LAMB3: variants seen among roughly 807,000 people sequenced by gnomAD.
The protein encoded by LAMB3 is laminin subunit beta-3.
LAMB3 carries 104 observed loss-of-function variants against 140.3 expected under a neutral mutation model. The ratio of observed to expected loss-of-function variants is 0.74; its 90% confidence interval spans 0.63 to 0.87. The LOEUF (loss-of-function observed/expected upper bound fraction) is 0.87. Among genes scored for constraint, LAMB3 ranks in the 40% least tolerant of loss-of-function variants. The pLI, the probability that LAMB3 is intolerant of heterozygous loss-of-function variation, is 0.00. For synonymous variants in LAMB3, 592 were observed against 602.9 expected, an observed-to-expected ratio of 0.98 and a Z score of 0.26; for missense variants, 1,531 against 1,575.2, an observed-to-expected ratio of 0.97 and a Z score of 0.47.
intron 11 of LAMB3, 45 bp downstream of exon 11, chr1:209,627,990 C>T: frequency 2.6e-6 from 4 of 1,560,706 alleles, no homozygotes; most frequent in Non-Finnish European, 3.5e-6. Context: ...CTGGTGGCCC[C>T]ATGCAGCCCA....
At chr1:209,648,222 A>G (rs2076534159) in intron 3 of LAMB3, among the ~76,000 whole-genome samples, 1 of 152,190 alleles carries the variant, frequency 6.6e-6, no homozygotes, top group Non-Finnish European at 1.5e-5. Context: ...GCTCATTGCC[A>G]AAGAATGTTA....
intron 5 of LAMB3, among the ~76,000 whole-genome samples, chr1:209,635,655 G>A (rs1275336626): frequency 2.0e-5 from 3 of 151,792 alleles, no homozygotes; most frequent in Non-Finnish European, 2.9e-5. Flanking sequence ...CACCCGCCTC[G>A]GCCTCCCAAC....
chr1:209,639,667 G>A (rs985289977), intron 3 of LAMB3, among the ~76,000 whole-genome samples: 16 of 150,754 alleles, frequency 1.1e-4, no homozygotes, highest in Non-Finnish European at 1.9e-4. Context: ...ATGCGCACAC[G>A]CACACACACA....
rs530038655 is a variant in LAMB3 at position 209,643,193 on chromosome 1, G to A, written c.184-4545C>T. ...AGCTGCTAATTTATCCTTCCCCTCT[G>A]GGTCTCAGTTTCCCTTTCTGCTTTA... is the stretch of plus-strand genomic sequence containing the variant. On this transcript the variant is annotated intron_variant, in intron 3 of 22. Transcript: ENST00000356082. 2.6e-5 allele frequency among the ~76,000 whole-genome samples: 4 copies of A among 152,282 alleles called. No individual in the cohort carries two copies. The East Asian group carries it at 7.7e-4, about 29-fold the overall frequency.
intron 6 of LAMB3, among the ~76,000 whole-genome samples, chr1:209,633,562 CAA>C (rs753607815): frequency 2.0e-4 from 28 of 140,676 alleles, no homozygotes; most frequent in African/African-American, 6.6e-4. Flanking sequence ...TTGATTTATT[CAA>C]AAAAAAAAAA....
chr1:209,628,223 C>G, intron 10 of LAMB3, 33 bp from the exon 11 acceptor site: 1 of 1,550,680 alleles, frequency 6.4e-7, no homozygotes, highest in Non-Finnish European at 8.7e-7. Flanking sequence ...GCAGTAGGAA[C>G]AAAGAAAAGT....
intron 1 of LAMB3, chr1:209,651,208 T>C: frequency 1.9e-6 from 1 of 531,538 alleles, no homozygotes; most frequent in Non-Finnish European, 3.4e-6. Flanking sequence ...GAAAATCCCA[T>C]CCCTTCCCAG....
Position 209,625,986 on chromosome 1 carries a change from G to A in LAMB3, c.1638C>T (p.Cys546=), listed in dbSNP as rs555155357. 53 of 1,613,274 alleles carry A rather than the reference G, an allele frequency of 3.3e-5. No individual in the cohort carries two copies. Among genetic ancestry groups the A allele is most frequent in the East Asian group, 6.7e-5 (3 of 44,884 alleles). ...CDFRGTEGPG[C]DKASGRCLCR... is the part of the protein sequence containing the mutation. ...AGAGGCAGCGGCCTGATGCCTTGTCGCAGCCCGGGCCCTCTGTTCCCCGGA... is the reference window on the plus strand; with the variant it reads ...AGAGGCAGCGGCCTGATGCCTTGTCACAGCCCGGGCCCTCTGTTCCCCGGA... The change falls in exon 14 of 23, where the codon TGC becomes TGT. Residue 546 remains cysteine, a synonymous_variant. Transcript: ENST00000356082.
intron 8 of LAMB3, among the ~76,000 whole-genome samples, chr1:209,631,249 T>C (rs371951030): frequency 1.3e-5 from 2 of 152,264 alleles, no homozygotes; most frequent in South Asian, 2.1e-4. Flanking sequence ...CACCTTCAGC[T>C]TGGCATTCAA....
intron 8 of LAMB3, 48 bp downstream of exon 8, chr1:209,632,535 G>A: frequency 6.7e-7 from 1 of 1,494,328 alleles, no homozygotes; most frequent in Non-Finnish European, 9.3e-7. Context: ...TCTGTAGTCT[G>A]CCCTGGTCCT....
intron 18 of LAMB3, among the ~76,000 whole-genome samples, chr1:209,620,008 C>T (rs1666129716): frequency 2.0e-5 from 3 of 152,234 alleles, no homozygotes; most frequent in Admixed American, 2.0e-4. Flanking sequence ...CAGAGTCCCA[C>T]TCTCAAAACA....
intron 11 of LAMB3, 70 bp downstream of exon 11, chr1:209,627,964 AG>A: frequency 6.6e-7 from 1 of 1,520,842 alleles, no homozygotes; most frequent in Non-Finnish European, 8.9e-7. Context: ...CACAGTGAGC[AG>A]GGCAAGCCGT....
intron 3 of LAMB3, among the ~76,000 whole-genome samples, chr1:209,643,362 G>C (rs908164840): frequency 1.4e-4 from 22 of 152,290 alleles, no homozygotes; most frequent in African/African-American, 4.8e-4. Context: ...TCCCTCTCTG[G>C]GGTCATTTGG....
chr1:209,634,390 C>G (rs1268490454), intron 6 of LAMB3, 57 bp downstream of exon 6: 7 of 1,542,324 alleles, frequency 4.5e-6, no homozygotes, highest in Non-Finnish European at 5.4e-6. Flanking sequence ...GCTGTGTGAA[C>G]AGTGGGACAT....
At chr1:209,638,368 T>A (rs1666959726) in intron 4 of LAMB3, among the ~76,000 whole-genome samples, 166 bp downstream of exon 4, 1 of 152,086 alleles carries the variant, frequency 6.6e-6, no homozygotes, top group African/African-American at 2.4e-5. Context: ...TACCATAACA[T>A]CCAACAGACC....
At chr1:209,622,779 T>C in intron 17 of LAMB3, 99 bp from the exon 18 acceptor site, 1 of 1,526,190 alleles carries the variant, frequency 6.6e-7, no homozygotes, top group Middle Eastern at 1.7e-4. Flanking sequence ...AAGACCTACC[T>C]AGGAAGCATT....
In LAMB3 at chr1:209,625,772, G is replaced by A. The variant is rs200108885; in HGVS notation, c.1852C>T (p.Arg618Cys). The A allele has an allele frequency of 3.0e-5, 49 of 1,614,144 alleles. No homozygotes were observed. The highest frequency in any genetic ancestry group is 3.0e-4 in the Admixed American group (18 of 60,016). Residue 618 changes from arginine (R) to cysteine (C), a missense_variant, in exon 14 of 23, where the codon CGT becomes TGT. Coordinates refer to ENST00000356082, the MANE Select transcript of LAMB3 (RefSeq NM_000228.3). ...TCTAGGATCCGGGAGGCCAGGCCAC[G>A]GTCCTCCAGCCCAGGCCCTGACCAC... ...SLWSGPGLED[R>C]GLASRILDAK...
At chr1:209,651,768 TTG>T (rs1376455658) in intron 1 of LAMB3, among the ~76,000 whole-genome samples, 2 of 151,854 alleles carry the variant, frequency 1.3e-5, no homozygotes, top group Non-Finnish European at 2.9e-5. Context: ...TGCCCCACCC[TTG>T]CTCATGCAGT....
In LAMB3 at chr1:209,623,407, G is replaced by A. The variant is rs765837201; in HGVS notation, c.2358+98C>T. Reference sequence around the variant, plus strand: ...TGGCTGGGGGAGTGGGGTTCTCACAGGGGCAGATCTGCCCTAATAGGAAGC... The same window carrying A: ...TGGCTGGGGGAGTGGGGTTCTCACAAGGGCAGATCTGCCCTAATAGGAAGC... On this transcript the variant is annotated intron_variant, in intron 16 of 22. Coordinates refer to ENST00000356082, the MANE Select transcript of LAMB3 (RefSeq NM_000228.3). The surrounding 1 kb of genome is among the most constrained non-coding windows in gnomAD (Gnocchi z 4.2). 8.0e-7 allele frequency: 1 copy of A among 1,256,864 alleles called. No homozygotes were observed. The highest frequency in any genetic ancestry group is 2.3e-5 in the East Asian group (1 of 42,810). 77.9% of individuals were successfully genotyped at this position (1,256,864 alleles called of 1,614,324 possible).
Sources: gnomAD v4.1 joint callset for allele counts (sites outside exome capture counted in the v4.1 genomes callset) on GRCh38, gnomAD v4.1.1 for gene constraint, Gnocchi (gnomAD v3.1) non-coding constraint, MANE v1.5 for transcripts, NCBI Gene and HGNC (gene_info 2026-07-23, HGNC 2026-07-21) for gene names.